The following CYFIP1 variants were observed in gnomAD, a reference collection of about 807,000 sequenced individuals.
The protein encoded by CYFIP1 is cytoplasmic FMR1-interacting protein 1.
In CYFIP1, 58 loss-of-function variants were observed where a neutral mutation model predicts 163.5. That is an observed-to-expected ratio of 0.35 (90% CI 0.29 to 0.44). The LOEUF is 0.44. Among genes scored for constraint, CYFIP1 ranks in the 20% least tolerant of loss-of-function variants. The pLI is 1.00. For missense variants in CYFIP1, 1,338 were observed against 1,653.8 expected, an observed-to-expected ratio of 0.81 and a Z score of 3.31; for synonymous variants, 663 against 660.7, an observed-to-expected ratio of 1.00 and a Z score of -0.05.
At position 22,867,894 on chromosome 15, in the gene CYFIP1, A is replaced by G. The variant is rs2059231907; in HGVS notation, c.*2134T>C. ...TGGAAAACTGCAAACATATGCAGAA[A>G]AGGTAGAATAATAAAAAAGGTCTAA... On this transcript the variant is annotated 3_prime_UTR_variant, in exon 31 of 31. Transcript: ENST00000617928. 1 of 152,240 alleles carries G rather than the reference A, an allele frequency of 6.6e-6. No homozygotes were observed. The highest frequency in any genetic ancestry group is 2.4e-5 in the African/African-American group (1 of 41,462). 9.4% of individuals were successfully genotyped at this position (152,240 alleles called of 1,614,324 possible).
intron 1 of CYFIP1, among the ~76,000 whole-genome samples, chr15:22,966,393 A>AAGG (rs34538257): frequency 0.52 from 74,083 of 143,780 alleles, 19,958 homozygotes; most frequent in African/African-American, 0.62. Context: ...AAAAAAAGAC[A>AAGG]AGATTAGGAC....
intron 20 of CYFIP1, among the ~76,000 whole-genome samples, chr15:22,909,578 T>C (rs1256987382): frequency 6.6e-6 from 1 of 152,162 alleles, no homozygotes; most frequent in African/African-American, 2.4e-5. Flanking sequence ...TACATAAAAA[T>C]ATGACAAAGC....
At chr15:22,901,897 A>G (rs1462013675) in intron 22 of CYFIP1, among the ~76,000 whole-genome samples, 2 of 152,194 alleles carry the variant, frequency 1.3e-5, no homozygotes, top group African/African-American at 4.8e-5. Context: ...ATGCAGACAC[A>G]ATGGCTTCTA....
At chr15:22,955,513 G>A (rs1002902179) in intron 1 of CYFIP1, among the ~76,000 whole-genome samples, 2 of 152,104 alleles carry the variant, frequency 1.3e-5, no homozygotes, top group Non-Finnish European at 2.9e-5. Context: ...GCGTGGGCAG[G>A]CAGCAGGGGC....
chr15:22,918,306 A>T (rs995448970), intron 14 of CYFIP1, among the ~76,000 whole-genome samples: 1 of 152,034 alleles, frequency 6.6e-6, no homozygotes, highest in Admixed American at 6.6e-5. Context: ...AACCAACAGG[A>T]ATGTGAAGTC....
At position 22,868,508 on chromosome 15, in the gene CYFIP1, A is replaced by AAGAT. The variant is rs1555392827; in HGVS notation, c.*1516_*1519dup. 7 of 152,276 alleles carry AAGAT rather than the reference A, an allele frequency of 4.6e-5. No individual in the cohort carries two copies. Among genetic ancestry groups the AAGAT allele is most frequent in the East Asian group, 3.9e-4 (2 of 5,192 alleles). The allele number at this position is 152,276 out of a possible 1,614,324, so 9.4% of individuals were successfully genotyped here. A position where few individuals can be genotyped will look rare whatever the true frequency, so the allele number is the denominator to read the frequency against. On this transcript the variant is annotated 3_prime_UTR_variant, in exon 31 of 31. Coordinates refer to ENST00000617928, the MANE Select transcript of CYFIP1 (RefSeq NM_014608.6). ...TTTTTCATCCTATTCTGTAGTTTCT[A>AAGAT]AGATAAGCACAGCTACCACCTCTAA...
chr15:22,895,858 G>C (rs753471557), intron 22 of CYFIP1, among the ~76,000 whole-genome samples: 1 of 152,312 alleles, frequency 6.6e-6, no homozygotes, highest in Non-Finnish European at 1.5e-5. Flanking sequence ...GTACCCTGAG[G>C]AGCGTCCCAC....
At chr15:22,969,378 T>C (rs1323031999) in intron 1 of CYFIP1, among the ~76,000 whole-genome samples, 1 of 152,102 alleles carries the variant, frequency 6.6e-6, no homozygotes, top group Admixed American at 6.6e-5. Context: ...GGAAAACAAA[T>C]GCCCAGTGAG....
chr15:22,883,518 T>A (rs994518410), intron 23 of CYFIP1, among the ~76,000 whole-genome samples: 3 of 151,852 alleles, frequency 2.0e-5, no homozygotes, highest in Non-Finnish European at 2.9e-5. Context: ...TAATTTATTT[T>A]AAAAAAAAGC....
At chr15:22,892,038 C>T (rs938558071) in intron 23 of CYFIP1, among the ~76,000 whole-genome samples, 11 of 152,192 alleles carry the variant, frequency 7.2e-5, no homozygotes, top group African/African-American at 2.7e-4. Flanking sequence ...CTGCCCCCAC[C>T]GCAGAGCCCG....
chr15:22,879,872 T>TGGGCTGGGGCGGGGA, intron 26 of CYFIP1, 41 bp downstream of exon 26: 1 of 1,070,594 alleles, frequency 9.3e-7, no homozygotes, highest in Non-Finnish European at 1.2e-6. Flanking sequence ...TGGGGTGGGG[T>TGGGCTGGGGCGGGGA]GGGCTGGGGC....
At chr15:22,919,703 G>A (rs1469884102) in intron 13 of CYFIP1, among the ~76,000 whole-genome samples, 1 of 152,136 alleles carries the variant, frequency 6.6e-6, no homozygotes, top group Non-Finnish European at 1.5e-5. Flanking sequence ...CTGTACCTAA[G>A]ACTAATACAT....
At chr15:22,936,050 C>A (rs1465592656) in intron 9 of CYFIP1, among the ~76,000 whole-genome samples, 6 of 152,056 alleles carry the variant, frequency 3.9e-5, no homozygotes, top group Admixed American at 3.9e-4. Context: ...GGCTGGAGGA[C>A]TGCTTGAGGC....
At chr15:22,949,289 G>T (rs78539960) in intron 1 of CYFIP1, among the ~76,000 whole-genome samples, 1 of 81,156 alleles carries the variant, frequency 1.2e-5, no homozygotes, top group Non-Finnish European at 2.6e-5. Flanking sequence ...GGGACCAGGC[G>T]GGCCGGAAGG....
chr15:22,942,187 TC>T (rs1367146065), intron 6 of CYFIP1, among the ~76,000 whole-genome samples: 1 of 152,246 alleles, frequency 6.6e-6, no homozygotes, highest in Non-Finnish European at 1.5e-5. Flanking sequence ...CTAGCTTGAC[TC>T]CTACTGCTGC....
rs376649215 is a variant in CYFIP1, at chr15:22,870,099, C to T, written c.3691G>A (p.Gly1231Arg). The stretch of plus-strand genomic sequence containing the variant: ...ACATGCTCCACTGGCGTGCCCTCCC[C>T]GTCGCCTGACTTCAGGTACTTATCC... ...ILDKYLKSGD[G>R]EGTPVEHVRC... The change falls in exon 31 of 31, where the codon GGG becomes AGG. Residue 1231 changes from glycine to arginine, a missense_variant. Physicochemically the swap from Gly to Arg is moderately radical, Grantham distance 125. This residue lies in a region of CYFIP1 where 306 missense variants were observed against 322.1 expected (regional missense o/e 0.95). Transcript: ENST00000617928. 17 of 1,612,852 alleles carry T rather than the reference C, an allele frequency of 1.1e-5. No individual in the cohort carries two copies. The highest frequency in any genetic ancestry group is 8.9e-5 in the East Asian group (4 of 44,840).
At chr15:22,954,158 CA>C (rs1280022208) in intron 1 of CYFIP1, among the ~76,000 whole-genome samples, 1 of 152,150 alleles carries the variant, frequency 6.6e-6, no homozygotes, top group Non-Finnish European at 1.5e-5. Context: ...GGGGCCTGAT[CA>C]GAGCAGGGCA....
intron 30 of CYFIP1, among the ~76,000 whole-genome samples, chr15:22,870,825 A>ACACAAGTTTTAGACT (rs2059413131): frequency 6.6e-6 from 1 of 152,236 alleles, no homozygotes; most frequent in Non-Finnish European, 1.5e-5. Context: ...CAGTCAACTA[A>ACACAAGTTTTAGACT]CACAAGTTTT....
chr15:22,964,353 TCACACA>T (rs71117466), intron 1 of CYFIP1, among the ~76,000 whole-genome samples: 3,671 of 78,596 alleles, frequency 0.047, 86 homozygotes, highest in Non-Finnish European at 0.058. Flanking sequence ...ACCTCATCAC[TCACACA>T]CACACACACA....
Sources: gnomAD v4.1 joint callset for allele counts (sites outside exome capture counted in the v4.1 genomes callset) on GRCh38, gnomAD v4.1.1 for gene constraint, gnomAD v4.1.1 regional missense constraint, MANE v1.5 for transcripts, NCBI Gene and HGNC (gene_info 2026-07-23, HGNC 2026-07-21) for gene names.